DRC11: variants seen among roughly 807,000 people sequenced by gnomAD.
The protein encoded by DRC11 is IQ and AAA domain-containing protein 1.
the DRC11 span, among the ~76,000 whole-genome samples, chr2:236,449,638 C>G: frequency 2.6e-5 from 4 of 152,196 alleles, no homozygotes; most frequent in Non-Finnish European, 5.9e-5. The surrounding 1 kb of genome is among the most constrained non-coding windows in gnomAD (Gnocchi z 5.1). Context: ...CAATTCATGT[C>G]AGTTTAGTTT....
the DRC11 span, among the ~76,000 whole-genome samples, chr2:236,449,969 G>A: frequency 6.6e-6 from 1 of 152,236 alleles, no homozygotes; most frequent in South Asian, 2.1e-4. The surrounding 1 kb of genome is among the most constrained non-coding windows in gnomAD (Gnocchi z 5.1). Context: ...AGTTGCAGGT[G>A]CTCAGAGACA....
chr2:236,309,788 C>A, the DRC11 span, among the ~76,000 whole-genome samples: 2 of 149,048 alleles, frequency 1.3e-5, no homozygotes, highest in Non-Finnish European at 2.9e-5. This position sits in a 1 kb window ranked among gnomAD's most constrained non-coding sequence, Gnocchi z 5.7. Context: ...TTCAACTGGA[C>A]CCCGGGCAGG....
At chr2:236,368,244 G>A in the DRC11 span, 4 of 1,611,322 alleles carry the variant, frequency 2.5e-6, no homozygotes, top group Non-Finnish European at 3.4e-6. Context: ...ATCCAGGAGG[G>A]AGGGCATGGG....
At chr2:236,411,795 A>G in the DRC11 span, among the ~76,000 whole-genome samples, 1 of 147,050 alleles carries the variant, frequency 6.8e-6, no homozygotes, top group Non-Finnish European at 1.5e-5. Context: ...CTATCGCAAG[A>G]ACAAAAAACC....
chr2:236,324,864 C>T, the DRC11 span: 4 of 1,064,378 alleles, frequency 3.8e-6, no homozygotes, highest in Non-Finnish European at 5.6e-6. The surrounding 1 kb of genome is among the most constrained non-coding windows in gnomAD (Gnocchi z 5.7). Context: ...GAAAAGCCTG[C>T]TAAGCAGGAA....
the DRC11 span, among the ~76,000 whole-genome samples, chr2:236,487,190 G>C: frequency 6.6e-6 from 1 of 152,150 alleles, no homozygotes; most frequent in Non-Finnish European, 1.5e-5. Flanking sequence ...TAGATCTAAG[G>C]ACGGCACTTC....
chr2:236,358,343 A>G, the DRC11 span, among the ~76,000 whole-genome samples: 3 of 133,818 alleles, frequency 2.2e-5, no homozygotes, highest in Non-Finnish European at 4.6e-5. Flanking sequence ...TGATATATAG[A>G]TATATACTAT....
chr2:236,405,633 G>T, the DRC11 span, among the ~76,000 whole-genome samples: 1 of 152,054 alleles, frequency 6.6e-6, no homozygotes, highest in Admixed American at 6.6e-5. The surrounding 1 kb of genome is among the most constrained non-coding windows in gnomAD (Gnocchi z 4.6). Flanking sequence ...GGACAAAGCA[G>T]TTGTTAAGTG....
At chr2:236,435,813 G>C in the DRC11 span, among the ~76,000 whole-genome samples, 1 of 152,168 alleles carries the variant, frequency 6.6e-6, no homozygotes, top group Non-Finnish European at 1.5e-5. Flanking sequence ...AGCAGAGAAT[G>C]TATGTGCCAC....
the DRC11 span, among the ~76,000 whole-genome samples, chr2:236,416,557 A>G: frequency 6.6e-6 from 1 of 151,416 alleles, no homozygotes; most frequent in African/African-American, 2.4e-5. Context: ...TGGTTAAAGA[A>G]AGGGATGAAG....
chr2:236,494,572 A>G, the DRC11 span, among the ~76,000 whole-genome samples: 1 of 151,638 alleles, frequency 6.6e-6, no homozygotes, highest in African/African-American at 2.4e-5. The surrounding 1 kb of genome is among the most constrained non-coding windows in gnomAD (Gnocchi z 4.2). Context: ...GAGAAACATT[A>G]TCCTAGAATT....
At chr2:236,503,532 T>TCTGTCTGGGGAATCC in the DRC11 span, 1 of 1,181,468 alleles carries the variant, frequency 8.5e-7, no homozygotes, top group Non-Finnish European at 1.2e-6. The surrounding 1 kb of genome is among the most constrained non-coding windows in gnomAD (Gnocchi z 4.9). Context: ...CCAACTGCAG[T>TCTGTCTGGGGAATCC]CTGTCTGGGG....
the DRC11 span, among the ~76,000 whole-genome samples, chr2:236,323,834 C>T: frequency 1.3e-5 from 2 of 152,244 alleles, no homozygotes; most frequent in African/African-American, 4.8e-5. This position sits in a 1 kb window ranked among gnomAD's most constrained non-coding sequence, Gnocchi z 6.4. Flanking sequence ...TAACCTTTCA[C>T]ATCCTTACAC....
At chr2:236,407,841 TGG>T in the DRC11 span, 1 of 320,728 alleles carries the variant, frequency 3.1e-6, no homozygotes, top group South Asian at 2.9e-5. Context: ...AATCTATTCC[TGG>T]CATTAAGCTC....
At chr2:236,377,044 AT>A in the DRC11 span, 1 of 1,164,792 alleles carries the variant, frequency 8.6e-7, no homozygotes, top group African/African-American at 1.5e-5. The surrounding 1 kb of genome is among the most constrained non-coding windows in gnomAD (Gnocchi z 4.9). Flanking sequence ...GGCTGCTGGG[AT>A]TTCAAAACAC....
At chr2:236,357,720 AATAT>A in the DRC11 span, among the ~76,000 whole-genome samples, 11 of 126,648 alleles carry the variant, frequency 8.7e-5, no homozygotes, top group Non-Finnish European at 1.4e-4. Context: ...ATGTATTTAT[AATAT>A]ATAAATATAC....
At chr2:236,338,940 C>T in the DRC11 span, among the ~76,000 whole-genome samples, 1 of 152,236 alleles carries the variant, frequency 6.6e-6, no homozygotes, top group Non-Finnish European at 1.5e-5. Context: ...AACAGGCTGG[C>T]TGTTCAGCAC....
chr2:236,312,346 C>G, the DRC11 span, among the ~76,000 whole-genome samples: 1 of 148,540 alleles, frequency 6.7e-6, no homozygotes, highest in African/African-American at 2.6e-5. Flanking sequence ...CATCATAGTT[C>G]TTAAAAAAAA....
the DRC11 span, chr2:236,408,541 G>A: frequency 1.4e-6 from 1 of 729,056 alleles, no homozygotes; most frequent in South Asian, 1.4e-5. This position sits in a 1 kb window ranked among gnomAD's most constrained non-coding sequence, Gnocchi z 5.5. Flanking sequence ...CATCAGCGGG[G>A]CCTTCTTCTG....
Sources: allele counts gnomAD v4.1 joint callset (sites outside exome capture counted in the v4.1 genomes callset), GRCh38; gene constraint gnomAD v4.1.1; non-coding constraint Gnocchi (gnomAD v3.1); transcripts MANE v1.5; gene names NCBI Gene and HGNC (gene_info 2026-07-23, HGNC 2026-07-21).